Variants in MAP4K4 observed in about 807,000 individuals in gnomAD.
The protein encoded by MAP4K4 is HPK/GCK-like kinase HGK.
In MAP4K4, 38 loss-of-function variants were observed where a neutral mutation model predicts 189.6. The ratio of observed to expected loss-of-function variants is 0.20; its 90% confidence interval spans 0.15 to 0.26. The LOEUF is 0.26. MAP4K4 is among the 10% of genes least tolerant of loss of function. MAP4K4 has a pLI of 1.00. For missense variants in MAP4K4, 1,054 were observed against 1,726.9 expected, an observed-to-expected ratio of 0.61 and a Z score of 6.91; for synonymous variants, 610 against 624.3, an observed-to-expected ratio of 0.98 and a Z score of 0.34.
At chr2:101,736,973 A>G (rs2060502205) in intron 2 of MAP4K4, among the ~76,000 whole-genome samples, 1 of 152,182 alleles carries the variant, frequency 6.6e-6, no homozygotes, top group South Asian at 2.1e-4. Context: ...CTATCACAGT[A>G]TTACATACTT....
chr2:101,811,806 A>G (rs2095446897), intron 3 of MAP4K4, among the ~76,000 whole-genome samples: 1 of 152,110 alleles, frequency 6.6e-6, no homozygotes. Context: ...ACTGACCTTC[A>G]TTTTTTTGGG....
At chr2:101,703,695 T>C (rs2040358841) in intron 2 of MAP4K4, among the ~76,000 whole-genome samples, 1 of 150,386 alleles carries the variant, frequency 6.6e-6, no homozygotes, top group Non-Finnish European at 1.5e-5. Flanking sequence ...AGTGGTAAAG[T>C]GCCATATAGA....
At chr2:101,822,485 A>G (rs2096125210) in intron 3 of MAP4K4, among the ~76,000 whole-genome samples, 1 of 152,216 alleles carries the variant, frequency 6.6e-6, no homozygotes, top group African/African-American at 2.4e-5. Context: ...CTTGTTATAC[A>G]TTTGTTTTCT....
At chr2:101,836,593 A>G (rs1278626312) in intron 9 of MAP4K4, among the ~76,000 whole-genome samples, 2 of 152,200 alleles carry the variant, frequency 1.3e-5, no homozygotes, top group African/African-American at 4.8e-5. Context: ...TGTCTCAAAA[A>G]AAAAAAGAAC....
chr2:101,827,592 G>A (rs2096417276), intron 5 of MAP4K4, among the ~76,000 whole-genome samples: 1 of 152,138 alleles, frequency 6.6e-6, no homozygotes, highest in Admixed American at 6.6e-5. Flanking sequence ...TGATCATTAT[G>A]ATCAGACCCT....
At chr2:101,866,896 C>A (rs2097833106) in intron 19 of MAP4K4, among the ~76,000 whole-genome samples, 1 of 150,802 alleles carries the variant, frequency 6.6e-6, no homozygotes, top group Non-Finnish European at 1.5e-5. Flanking sequence ...CCTATACTGT[C>A]ATCAATATTG....
At chr2:101,807,755 AG>A (rs1476912393) in intron 3 of MAP4K4, among the ~76,000 whole-genome samples, 1 of 152,076 alleles carries the variant, frequency 6.6e-6, no homozygotes, top group Non-Finnish European at 1.5e-5. Flanking sequence ...GGAGCAAGAT[AG>A]AGAAAGAAAG....
intron 23 of MAP4K4, 29 bp downstream of exon 23, chr2:101,870,444 C>T: frequency 6.2e-7 from 1 of 1,611,706 alleles, no homozygotes; most frequent in East Asian, 2.2e-5. Context: ...TTGTCAGAGG[C>T]TGAGCTTCTC....
chr2:101,783,126 A>G (rs1301612753), intron 2 of MAP4K4, among the ~76,000 whole-genome samples: 1 of 152,166 alleles, frequency 6.6e-6, no homozygotes, highest in Non-Finnish European at 1.5e-5. Flanking sequence ...CTGGGGAGAG[A>G]ATGGACAGAC....
At chr2:101,773,846 C>T (rs2082641522) in intron 2 of MAP4K4, among the ~76,000 whole-genome samples, 1 of 152,162 alleles carries the variant, frequency 6.6e-6, no homozygotes, top group African/African-American at 2.4e-5. Flanking sequence ...GTCTGTCTTT[C>T]CGTGCTTGGC....
At chr2:101,706,683 T>G (rs142928591) in intron 2 of MAP4K4, among the ~76,000 whole-genome samples, 1 of 152,352 alleles carries the variant, frequency 6.6e-6, no homozygotes, top group Non-Finnish European at 1.5e-5. Flanking sequence ...CTCATAGCTA[T>G]GCAGGTATGG....
intron 2 of MAP4K4, among the ~76,000 whole-genome samples, chr2:101,707,797 T>G (rs1341221969): frequency 6.6e-6 from 1 of 151,516 alleles, no homozygotes; most frequent in African/African-American, 2.4e-5. Context: ...TTCACGCCAT[T>G]CTCCTGCCTC....
intron 2 of MAP4K4, among the ~76,000 whole-genome samples, chr2:101,786,757 CAA>C (rs1308299048): frequency 6.6e-6 from 1 of 152,116 alleles, no homozygotes; most frequent in Admixed American, 6.5e-5. Flanking sequence ...GAAGAAAATT[CAA>C]AGTTTCTCAT....
rs996197000 is a variant in MAP4K4, at chr2:101,739,696, T to G, written c.123+41158T>G. On this transcript the variant is annotated intron_variant, in intron 2 of 32. Coordinates refer to ENST00000324219, the Ensembl canonical transcript of MAP4K4. ...CCTTTACAACTGGTAGATAGAAGAA[T>G]TTCCAGTGAATCTTTAAATTCAACT... Among the ~76,000 whole-genome samples the G allele has an allele frequency of 4.6e-5, 7 of 152,242 alleles. No individual in the cohort carries two copies. The East Asian group carries it at 7.7e-4, about 17-fold the overall frequency.
intron 26 of MAP4K4, among the ~76,000 whole-genome samples, chr2:101,876,611 G>T (rs1334225368): frequency 6.6e-6 from 1 of 152,198 alleles, no homozygotes; most frequent in East Asian, 1.9e-4. Flanking sequence ...AGAGATCATG[G>T]TATCAGATGA....
In MAP4K4 at chr2:101,888,954, A is replaced by G. The variant is rs761304126; in HGVS notation, c.4071+19A>G. 58 of 1,598,984 alleles carry G rather than the reference A, an allele frequency of 3.6e-5. 1 individual carries two copies. Among genetic ancestry groups the G allele is most frequent in the Admixed American group, 1.0e-4 (6 of 57,418 alleles). On this transcript the variant is annotated intron_variant, in intron 32 of 32. Transcript: ENST00000324219. Reference sequence around the variant, plus strand: ...TGACAAGGTAATAGTTCCCTTATGGATTCTTTTTAGTTGCTCTATCTTTTA... The same window carrying G: ...TGACAAGGTAATAGTTCCCTTATGGGTTCTTTTTAGTTGCTCTATCTTTTA...
chr2:101,887,023 TCAAA>T, intron 29 of MAP4K4, 61 bp from the exon 30 acceptor site: 1 of 921,308 alleles, frequency 1.1e-6, no homozygotes, highest in Non-Finnish European at 1.5e-6. Flanking sequence ...AGACTCCGTC[TCAAA>T]AAAAAAAAAA....
At chr2:101,893,635 G>T (rs2098596783) in exon 33 of MAP4K4, 1 of 168,206 alleles carries the variant, frequency 5.9e-6, no homozygotes, top group African/African-American at 2.4e-5. Context: ...GTGGGAGAAG[G>T]CAGAGAACAA....
chr2:101,750,457 C>A (rs561201646), intron 2 of MAP4K4, among the ~76,000 whole-genome samples: 1 of 144,352 alleles, frequency 6.9e-6, no homozygotes, highest in Non-Finnish European at 1.5e-5. Context: ...GGGAATAGAA[C>A]AATGAGATCA....
Sources: allele counts gnomAD v4.1 joint callset (sites outside exome capture counted in the v4.1 genomes callset), GRCh38; gene constraint gnomAD v4.1.1; transcripts MANE v1.5; gene names NCBI Gene and HGNC (gene_info 2026-07-23, HGNC 2026-07-21).